ROBO1: variants seen among roughly 807,000 people sequenced by gnomAD.
The protein encoded by ROBO1 is roundabout guidance receptor 1, also known as roundabout homolog 1.
A neutral mutation model predicts 195.9 loss-of-function variants in ROBO1; 149 were observed. That is an observed-to-expected ratio of 0.76 (90% CI 0.67 to 0.87). ROBO1 has a LOEUF of 0.87. Ranked by LOEUF, ROBO1 falls within the 40% of genes least tolerant of loss-of-function variation. ROBO1 has a pLI of 0.00. For synonymous variants in ROBO1, 816 were observed against 733.2 expected (o/e 1.11, Z -1.82); for missense variants, 1,933 against 2,068.3 (o/e 0.93, Z 1.27).
At chr3:79,701,071 C>T (rs554004434) in intron 1 of ROBO1, among the ~76,000 whole-genome samples, 2 of 151,814 alleles carry the variant, frequency 1.3e-5, no homozygotes, top group East Asian at 3.9e-4. Context: ...CACCATTTAT[C>T]GAATAGAGAG....
rs563157256 is a variant in ROBO1, at chr3:79,081,174, T to C, written c.172+44282A>G. Among the ~76,000 whole-genome samples, 10 of 151,912 alleles carry C rather than the reference T, an allele frequency of 6.6e-5. No individual in the cohort carries two copies. In the South Asian group the frequency reaches 1.0e-3, roughly 16 times the overall value. On this transcript the variant is annotated intron_variant, in intron 3 of 30. Coordinates refer to ENST00000464233, the MANE Select transcript of ROBO1 (RefSeq NM_002941.4). ...TTTTAAATGACACATTTTTTTCCGATAGGATTTTTTTTTTTGCTTTCCTTA... is the reference window on the plus strand; with the variant it reads ...TTTTAAATGACACATTTTTTTCCGACAGGATTTTTTTTTTTGCTTTCCTTA...
At chr3:79,368,340 T>C (rs1399065831) in intron 2 of ROBO1, among the ~76,000 whole-genome samples, 2 of 152,142 alleles carry the variant, frequency 1.3e-5, no homozygotes, top group Non-Finnish European at 2.9e-5. Context: ...CAAGAGAGAC[T>C]GCATGGAAAA....
chr3:79,333,096 G>C (rs2034516488), intron 2 of ROBO1, among the ~76,000 whole-genome samples: 2 of 151,816 alleles, frequency 1.3e-5, no homozygotes, highest in African/African-American at 4.8e-5. Context: ...CCAGCTGCTT[G>C]GGAGGCTTAG....
intron 26 of ROBO1, among the ~76,000 whole-genome samples, chr3:78,625,459 T>C (rs745429527): frequency 1.9e-4 from 29 of 152,068 alleles, no homozygotes; most frequent in Non-Finnish European, 3.7e-4. Flanking sequence ...AAGAGTCAAG[T>C]CCAAAGACAA....
intron 1 of ROBO1, among the ~76,000 whole-genome samples, chr3:79,618,685 G>A (rs1180966040): frequency 4.6e-5 from 7 of 152,098 alleles, no homozygotes; most frequent in African/African-American, 1.7e-4. Context: ...TTTGCTCACA[G>A]AAAGCCTGTT....
At chr3:79,765,309 G>C (rs568062263) in intron 1 of ROBO1, among the ~76,000 whole-genome samples, 1 of 152,280 alleles carries the variant, frequency 6.6e-6, no homozygotes, top group South Asian at 2.1e-4. Flanking sequence ...TCATGGGAGA[G>C]GTATAGGTCC....
intron 2 of ROBO1, among the ~76,000 whole-genome samples, chr3:79,413,066 C>A (rs1394720171): frequency 6.6e-6 from 1 of 150,964 alleles, no homozygotes; most frequent in Admixed American, 6.6e-5. Flanking sequence ...TGTTATGCTT[C>A]CAAGAACATT....
chr3:78,955,156 T>C (rs72906176), intron 3 of ROBO1, among the ~76,000 whole-genome samples: 19,363 of 147,954 alleles, frequency 0.13, 1,949 homozygotes, highest in African/African-American at 0.28. Context: ...AGGTAAATTG[T>C]GTGTCATGGG....
chr3:79,486,315 A>G (rs1939158517), intron 2 of ROBO1, among the ~76,000 whole-genome samples: 1 of 152,060 alleles, frequency 6.6e-6, no homozygotes, highest in African/African-American at 2.4e-5. Context: ...ATCTTCTTTA[A>G]TGTACAAAGG....
chr3:79,727,255 T>G (rs762234865), intron 1 of ROBO1, among the ~76,000 whole-genome samples: 18 of 151,812 alleles, frequency 1.2e-4, no homozygotes, highest in Non-Finnish European at 2.5e-4. Context: ...GCTGCTACAT[T>G]AATTGCCAAC....
chr3:79,001,064 T>A (rs982788165), intron 3 of ROBO1, among the ~76,000 whole-genome samples: 3 of 151,494 alleles, frequency 2.0e-5, no homozygotes, highest in African/African-American at 7.3e-5. Flanking sequence ...AAGTGGGAGC[T>A]GAACAATGAG....
intron 2 of ROBO1, among the ~76,000 whole-genome samples, chr3:79,527,226 A>G (rs990396809): frequency 3.3e-5 from 5 of 152,150 alleles, no homozygotes; most frequent in African/African-American, 9.6e-5. Flanking sequence ...TTTTATTTCA[A>G]TGTAAGATTT....
At chr3:79,413,939 C>G (rs1352435261) in intron 2 of ROBO1, among the ~76,000 whole-genome samples, 1 of 152,028 alleles carries the variant, frequency 6.6e-6, no homozygotes, top group East Asian at 1.9e-4. Flanking sequence ...TTCTAGGAGC[C>G]ATAAAACCTA....
intron 2 of ROBO1, among the ~76,000 whole-genome samples, chr3:79,483,624 G>A (rs758043538): frequency 7.2e-5 from 11 of 152,262 alleles, no homozygotes; most frequent in Middle Eastern, 3.4e-3. Flanking sequence ...TCATGTTACT[G>A]TACTAAATGC....
chr3:79,372,971 A>G (rs1416728049), intron 2 of ROBO1, among the ~76,000 whole-genome samples: 1 of 151,994 alleles, frequency 6.6e-6, no homozygotes, highest in East Asian at 1.9e-4. Flanking sequence ...TTATCAGGTA[A>G]TACTGGGGTT....
chr3:79,725,195 A>G (rs1475966698), intron 1 of ROBO1, among the ~76,000 whole-genome samples: 2 of 146,592 alleles, frequency 1.4e-5, no homozygotes, highest in African/African-American at 2.5e-5. Flanking sequence ...TATGTAAAAG[A>G]TGCCTTATGA....
chr3:79,411,692 C>A (rs1017151130), intron 2 of ROBO1, among the ~76,000 whole-genome samples: 1 of 152,116 alleles, frequency 6.6e-6, no homozygotes, highest in African/African-American at 2.4e-5. Flanking sequence ...AAAAGCCAAA[C>A]AAAACTCTTG....
At chr3:78,605,030 T>TA (rs1703386727) in intron 29 of ROBO1, among the ~76,000 whole-genome samples, 1 of 152,208 alleles carries the variant, frequency 6.6e-6, no homozygotes, top group Admixed American at 6.5e-5. Context: ...AGAAAGAGCT[T>TA]ACTTGTGCTC....
intron 2 of ROBO1, among the ~76,000 whole-genome samples, chr3:79,163,740 C>T (rs1237253166): frequency 1.3e-5 from 2 of 152,066 alleles, no homozygotes; most frequent in South Asian, 2.1e-4. Context: ...CATTCTGCAG[C>T]CTCAAATTTT....
Sources: allele counts gnomAD v4.1 joint callset (sites outside exome capture counted in the v4.1 genomes callset), GRCh38; gene constraint gnomAD v4.1.1; transcripts MANE v1.5; gene names NCBI Gene and HGNC (gene_info 2026-07-23, HGNC 2026-07-21).